The following PCLO variants were observed in gnomAD, a reference collection of about 807,000 sequenced individuals.
The protein encoded by PCLO is protein piccolo.
In PCLO, 82 loss-of-function variants were observed where a neutral mutation model predicts 427.5. That is an observed-to-expected ratio of 0.19 (90% CI 0.16 to 0.23). The LOEUF is 0.23. Among genes scored for constraint, PCLO ranks in the 10% least tolerant of loss-of-function variants. The pLI, the probability that PCLO is intolerant of heterozygous loss-of-function variation, is 1.00. For missense variants in PCLO, 6,239 were observed against 6,115.9 expected (o/e 1.02, Z -0.67); for synonymous variants, 2,357 against 2,155.4 (o/e 1.09, Z -2.59).
intron 22 of PCLO, among the ~76,000 whole-genome samples, chr7:82,796,583 C>T (rs1420578105): frequency 6.6e-6 from 1 of 151,956 alleles, no homozygotes; most frequent in Non-Finnish European, 1.5e-5. Context: ...TCTACAGATG[C>T]TGCCATGCTT....
At chr7:82,968,854 C>T (rs563993430) in intron 3 of PCLO, among the ~76,000 whole-genome samples, 22 of 152,132 alleles carry the variant, frequency 1.4e-4, no homozygotes, top group South Asian at 2.1e-4. Context: ...AAAACAGATA[C>T]GAATGGCTGC....
At chr7:83,019,336 T>C (rs1490833729) in intron 3 of PCLO, among the ~76,000 whole-genome samples, 1 of 151,946 alleles carries the variant, frequency 6.6e-6, no homozygotes, top group Non-Finnish European at 1.5e-5. Flanking sequence ...TTTGTTTTAA[T>C]TTTAAACCTA....
chr7:82,923,097 T>C (rs1468995074), intron 6 of PCLO, among the ~76,000 whole-genome samples: 4 of 152,024 alleles, frequency 2.6e-5, no homozygotes, highest in African/African-American at 9.7e-5. Context: ...CCATTTAACA[T>C]GACATAAGGT....
In PCLO at chr7:83,162,262, C is replaced by T. The variant is rs1792458065; in HGVS notation, c.248+83G>A. On this transcript the variant is annotated intron_variant, in intron 1 of 24. Transcript: ENST00000333891. ...AACGGAGGCGACATATATGTACCGC[C>T]GTGCTGGCACATACAGGCTGGCACA... 4 of 1,445,860 alleles carry T rather than the reference C, an allele frequency of 2.8e-6. No individual in the cohort carries two copies. The South Asian group carries it at 4.1e-5, about 15-fold the overall frequency. The allele number at this position is 1,445,860 out of a possible 1,614,324, so 89.6% of individuals were successfully genotyped here.
intron 16 of PCLO, among the ~76,000 whole-genome samples, chr7:82,833,902 T>A (rs1285083720): frequency 6.6e-6 from 1 of 152,130 alleles, no homozygotes; most frequent in Non-Finnish European, 1.5e-5. Flanking sequence ...TAAAATAGTT[T>A]TAGAGAAATC....
chr7:83,153,605 T>G (rs779576990), intron 2 of PCLO, among the ~76,000 whole-genome samples: 20 of 152,202 alleles, frequency 1.3e-4, no homozygotes, highest in East Asian at 1.9e-4. Context: ...AATGCACAGA[T>G]AGCCCACTAA....
rs1181600531 is a variant in PCLO, at chr7:83,097,037, T to A, written c.3300+37213A>T. Reference sequence around the variant, plus strand: ...ATATTATATATTATATAAATATATATTATATATTATATAAATATATTATAC... The same window carrying A: ...ATATTATATATTATATAAATATATAATATATATTATATAAATATATTATAC... On this transcript the variant is annotated intron_variant, in intron 3 of 24. Transcript: ENST00000333891. 2.2e-4 allele frequency among the ~76,000 whole-genome samples: 13 copies of A among 59,108 alleles called. 2 individuals are homozygous for A. Among genetic ancestry groups the A allele is most frequent in the Admixed American group, 3.6e-4 (1 of 2,800 alleles). 38.8% of individuals were successfully genotyped at this position (59,108 alleles called of 152,430 possible).
intron 3 of PCLO, among the ~76,000 whole-genome samples, chr7:83,109,980 T>C (rs967917404): frequency 6.6e-6 from 1 of 151,742 alleles, no homozygotes; most frequent in African/African-American, 2.4e-5. Flanking sequence ...TACATTACAT[T>C]GGGAGTTTAG....
chr7:82,889,105 C>T (rs1793698267), intron 9 of PCLO, among the ~76,000 whole-genome samples: 1 of 152,032 alleles, frequency 6.6e-6, no homozygotes, highest in Admixed American at 6.6e-5. Context: ...TAGGGGCGCT[C>T]CAACCTTTTG....
At chr7:82,825,886 A>G (rs1791930142) in intron 18 of PCLO, among the ~76,000 whole-genome samples, 1 of 148,448 alleles carries the variant, frequency 6.7e-6, no homozygotes, top group African/African-American at 2.4e-5. Context: ...TATCTACATT[A>G]TACATATAAT....
chr7:83,062,848 C>T (rs1433176664), intron 3 of PCLO, among the ~76,000 whole-genome samples: 1 of 152,084 alleles, frequency 6.6e-6, no homozygotes, highest in African/African-American at 2.4e-5. Context: ...ATTTTCCCAG[C>T]ACTCTTCTTA....
chr7:82,867,967 T>A lies in PCLO; in HGVS notation c.13654+11370A>T, dbSNP rs114274006. The stretch of plus-strand genomic sequence containing the variant: ...TCAGCCCAGGGACCAGTAATTTGTA[T>A]TTTTCTTCACAGAAGAGAGTTTCCT... On this transcript the variant is annotated intron_variant, in intron 10 of 24. Coordinates refer to ENST00000333891, the MANE Select transcript of PCLO (RefSeq NM_033026.6). The A allele has an allele frequency of 3.6e-3, 1,298 of 358,620 alleles. 20 individuals carry two copies. The highest frequency in any genetic ancestry group is 0.025 in the African/African-American group (1,174 of 46,888). 22.2% of individuals were successfully genotyped at this position (358,620 alleles called of 1,614,324 possible).
chr7:82,955,309 T>G lies in PCLO; in HGVS notation c.5644A>C (p.Lys1882Gln). Reference protein sequence around the residue: ...ISPEKIIEVQKVYKLPTAVSL... With the variant: ...ISPEKIIEVQQVYKLPTAVSL... ...ACAGCTGTGGGCAATTTATAAACTT[T>G]TTGTACTTCTATTATTTTTTCCGGG... The change falls in exon 5 of 25, where the codon AAA becomes CAA. Residue 1882 changes from lysine (K) to glutamine (Q), a missense_variant. Coordinates refer to ENST00000333891, the MANE Select transcript of PCLO (RefSeq NM_033026.6). 1 of 1,613,512 alleles carries G rather than the reference T, an allele frequency of 6.2e-7. No homozygotes were observed. Among genetic ancestry groups the G allele is most frequent in the Non-Finnish European group, 8.5e-7 (1 of 1,179,754 alleles).
At chr7:82,947,099 T>C (rs968154745) in intron 6 of PCLO, among the ~76,000 whole-genome samples, 1 of 152,148 alleles carries the variant, frequency 6.6e-6, no homozygotes, top group Non-Finnish European at 1.5e-5. Flanking sequence ...TGAAACTTTG[T>C]CCATTTATTC....
At chr7:83,106,669 T>C (rs1055559017) in intron 3 of PCLO, among the ~76,000 whole-genome samples, 4 of 152,110 alleles carry the variant, frequency 2.6e-5, no homozygotes, top group Non-Finnish European at 4.4e-5. Flanking sequence ...AATAATAAAA[T>C]ATCCACATAG....
At chr7:82,778,189 G>A (rs1790795520) in intron 22 of PCLO, among the ~76,000 whole-genome samples, 1 of 152,118 alleles carries the variant, frequency 6.6e-6, no homozygotes, top group Non-Finnish European at 1.5e-5. Context: ...TGATCATAGA[G>A]GAATGCAAAT....
chr7:83,117,155 C>G (rs1791155234), intron 3 of PCLO, among the ~76,000 whole-genome samples: 1 of 152,148 alleles, frequency 6.6e-6, no homozygotes, highest in African/African-American at 2.4e-5. Flanking sequence ...GCAATCACTA[C>G]TAGCCCAAAC....
At chr7:83,093,492 A>ATATATATATATATTTTTTTTTT in intron 3 of PCLO, among the ~76,000 whole-genome samples, 1 of 59,338 alleles carries the variant, frequency 1.7e-5, no homozygotes, top group African/African-American at 5.4e-5. Flanking sequence ...ATATATATAT[A>ATATATATATATATTTTTTTTTT]TTTTTTTTTT....
chr7:82,826,748 T>C, intron 17 of PCLO, 88 bp from the exon 18 acceptor site: 1 of 665,504 alleles, frequency 1.5e-6, no homozygotes, highest in Non-Finnish European at 2.4e-6. Context: ...TTTATTTTTT[T>C]CCTTAAACTC....
Sources: gnomAD v4.1 joint callset for allele counts (sites outside exome capture counted in the v4.1 genomes callset) on GRCh38, gnomAD v4.1.1 for gene constraint, MANE v1.5 for transcripts, NCBI Gene and HGNC (gene_info 2026-07-23, HGNC 2026-07-21) for gene names.